Variants in TMEM108 observed in about 807,000 individuals in gnomAD.
TMEM108 encodes transmembrane protein 108, also known as cancer/testis antigen 124.
In TMEM108, 12 loss-of-function variants were observed where a neutral mutation model predicts 35.1. That is an observed-to-expected ratio of 0.34 (90% confidence interval 0.22 to 0.55). The LOEUF (loss-of-function observed/expected upper bound fraction) is 0.55, where lower values mean the gene tolerates loss of function less well. Among genes scored for constraint, TMEM108 ranks in the 20% least tolerant of loss-of-function variants. TMEM108 has a pLI of 0.89. For missense variants in TMEM108, 680 were observed against 753.3 expected (o/e 0.90, Z 1.14); for synonymous variants, 287 against 308.6 (o/e 0.93, Z 0.73).
intron 3 of TMEM108, among the ~76,000 whole-genome samples, chr3:133,244,159 T>C (rs1394141298): frequency 6.6e-6 from 1 of 152,208 alleles, no homozygotes; most frequent in African/African-American, 2.4e-5. Context: ...TTAAACATTT[T>C]AAATTAGTGA....
intron 2 of TMEM108, among the ~76,000 whole-genome samples, chr3:133,178,529 G>T (rs1945275823): frequency 6.6e-6 from 1 of 151,994 alleles, no homozygotes; most frequent in African/African-American, 2.4e-5. Context: ...TCTGATCTTT[G>T]ACAAACCTGA....
At chr3:133,391,004 A>C (rs1384676210) in intron 5 of TMEM108, among the ~76,000 whole-genome samples, 1 of 152,222 alleles carries the variant, frequency 6.6e-6, no homozygotes, top group East Asian at 1.9e-4. Context: ...TACTCTTTCC[A>C]TCCTCACACG....
At chr3:133,121,898 C>T (rs1290701037) in intron 2 of TMEM108, among the ~76,000 whole-genome samples, 1 of 151,956 alleles carries the variant, frequency 6.6e-6, no homozygotes, top group Non-Finnish European at 1.5e-5. Flanking sequence ...TCCTTCTAAC[C>T]TTTGTAAGCT....
intron 2 of TMEM108, among the ~76,000 whole-genome samples, chr3:133,123,502 A>G (rs1944378737): frequency 6.6e-6 from 1 of 152,226 alleles, no homozygotes; most frequent in African/African-American, 2.4e-5. Context: ...AACACTAAAT[A>G]TGACAAAAAT....
chr3:133,154,564 A>G (rs1404473187), intron 2 of TMEM108, among the ~76,000 whole-genome samples: 3 of 152,156 alleles, frequency 2.0e-5, no homozygotes, highest in Non-Finnish European at 4.4e-5. Flanking sequence ...CTTTGTAGGG[A>G]CATGGATGAA....
At chr3:133,227,232 G>A (rs1473592554) in intron 2 of TMEM108, among the ~76,000 whole-genome samples, 5 of 113,782 alleles carry the variant, frequency 4.4e-5, no homozygotes, top group Non-Finnish European at 6.6e-5. Context: ...TCTCGCTGTC[G>A]CCCAGGCTGG....
intron 2 of TMEM108, among the ~76,000 whole-genome samples, chr3:133,144,220 G>C (rs1944683029): frequency 6.6e-6 from 1 of 152,064 alleles, no homozygotes; most frequent in Admixed American, 6.6e-5. Flanking sequence ...AGAACATGCG[G>C]TGTTTGGTTT....
chr3:133,245,571 C>G (rs1016704516), intron 3 of TMEM108, among the ~76,000 whole-genome samples: 1 of 152,062 alleles, frequency 6.6e-6, no homozygotes, highest in South Asian at 2.1e-4. Context: ...TTTTGTTGTT[C>G]TTTGTTTATT....
intron 2 of TMEM108, among the ~76,000 whole-genome samples, chr3:133,227,445 G>A (rs1422082035): frequency 5.4e-5 from 8 of 147,962 alleles, no homozygotes; most frequent in Non-Finnish European, 7.5e-5. Flanking sequence ...CGCCCGCCTC[G>A]GCCTCCCAAA....
chr3:133,175,995 A>C (rs1356577283), intron 2 of TMEM108, among the ~76,000 whole-genome samples: 1 of 152,230 alleles, frequency 6.6e-6, no homozygotes, highest in Non-Finnish European at 1.5e-5. Context: ...AGCAAATGGA[A>C]AACAAAAAAA....
chr3:133,378,635 C>T (rs1028003518), intron 3 of TMEM108: 12 of 693,664 alleles, frequency 1.7e-5, no homozygotes, highest in African/African-American at 9.7e-5. Context: ...GTGTTGTCAA[C>T]GGCTCCTACA....
chr3:133,284,419 C>G (rs1946957031), intron 3 of TMEM108, among the ~76,000 whole-genome samples: 1 of 152,216 alleles, frequency 6.6e-6, no homozygotes, highest in Non-Finnish European at 1.5e-5. Flanking sequence ...GGCCTCCCAC[C>G]TGGGGGCCTA....
intron 2 of TMEM108, among the ~76,000 whole-genome samples, chr3:133,055,916 G>C (rs1943460350): frequency 6.6e-6 from 1 of 152,128 alleles, no homozygotes; most frequent in Non-Finnish European, 1.5e-5. Flanking sequence ...TATTTACCAG[G>C]CATTAAATGT....
intron 2 of TMEM108, among the ~76,000 whole-genome samples, chr3:133,110,960 G>C (rs1236902587): frequency 6.6e-6 from 1 of 152,172 alleles, no homozygotes; most frequent in Admixed American, 6.5e-5. Context: ...TCTCAACATG[G>C]AAAGATTTGA....
intron 2 of TMEM108, among the ~76,000 whole-genome samples, chr3:133,093,090 A>G (rs1943969859): frequency 6.6e-6 from 1 of 151,820 alleles, no homozygotes. Flanking sequence ...CCTGGGTTCA[A>G]GTGATTCTCC....
intron 2 of TMEM108, among the ~76,000 whole-genome samples, chr3:133,088,929 G>A (rs1056752014): frequency 1.3e-4 from 20 of 152,148 alleles, no homozygotes; most frequent in African/African-American, 4.6e-4. Flanking sequence ...AGATTTAATT[G>A]GCTCACAGTT....
intron 3 of TMEM108, among the ~76,000 whole-genome samples, chr3:133,304,711 C>T (rs1947277188): frequency 6.6e-6 from 1 of 152,106 alleles, no homozygotes. Flanking sequence ...AATATTCCAT[C>T]ATAAGGATAC....
At chr3:133,061,455 C>T (rs527525180) in intron 2 of TMEM108, among the ~76,000 whole-genome samples, 4,194 of 152,166 alleles carry the variant, frequency 0.028, 98 homozygotes, top group South Asian at 0.061. Flanking sequence ...CCTCGTGATC[C>T]TCCCGCCTCG....
rs140798950 is a variant in TMEM108, at chr3:133,378,990, T to C, written c.41-762T>C. On this transcript the variant is annotated intron_variant, in intron 3 of 5. Coordinates refer to ENST00000321871, the MANE Select transcript of TMEM108 (RefSeq NM_023943.4). Reference sequence around the variant, plus strand: ...TTCCAGGCTGTGCTAAGTGCTTTTATGGGCTCCAGGTCTGGTTGCTCTTCT... The same window carrying C: ...TTCCAGGCTGTGCTAAGTGCTTTTACGGGCTCCAGGTCTGGTTGCTCTTCT... 2.1e-3 allele frequency among the ~76,000 whole-genome samples: 315 copies of C among 152,300 alleles called. 3 individuals carry two copies. Among genetic ancestry groups the C allele is most frequent in the African/African-American group, 7.2e-3 (300 of 41,570 alleles).
Sources: allele counts gnomAD v4.1 joint callset (sites outside exome capture counted in the v4.1 genomes callset), GRCh38; gene constraint gnomAD v4.1.1; transcripts MANE v1.5; gene names NCBI Gene and HGNC (gene_info 2026-07-23, HGNC 2026-07-21).